RNGTT: variants seen among roughly 807,000 people sequenced by gnomAD.
RNGTT encodes RNA guanylyltransferase and 5'-phosphatase.
In RNGTT, 33 loss-of-function variants were observed where a neutral mutation model predicts 79.3. The ratio of observed to expected loss-of-function variants is 0.42; its 90% CI spans 0.32 to 0.56. The LOEUF is 0.56. RNGTT is among the 20% of genes least tolerant of loss of function. The probability of loss-of-function intolerance (pLI) is 0.17; values close to 1 mark genes in which losing one functional copy is unlikely to be tolerated. For missense variants in RNGTT, 497 were observed against 739.1 expected, an observed-to-expected ratio of 0.67 and a Z score of 3.80; for synonymous variants, 222 against 235.9, an observed-to-expected ratio of 0.94 and a Z score of 0.54.
chr6:88,718,258 A>G (rs1259699484), intron 13 of RNGTT, among the ~76,000 whole-genome samples: 2 of 152,022 alleles, frequency 1.3e-5, no homozygotes, highest in Non-Finnish European at 1.5e-5. Flanking sequence ...GTAGTGGCAC[A>G]TGCCTGTAAT....
chr6:88,726,629 C>CACAATGGGTATTCAGTAAGTG (rs1359833801), intron 13 of RNGTT, among the ~76,000 whole-genome samples: 1 of 152,090 alleles, frequency 6.6e-6, no homozygotes, highest in Non-Finnish European at 1.5e-5. Flanking sequence ...AGGAAAAAGA[C>CACAATGGGTATTCAGTAAGTG]ACAATGGGTA....
chr6:88,922,046 AT>A (rs113358695), intron 4 of RNGTT, among the ~76,000 whole-genome samples: 5,194 of 148,080 alleles, frequency 0.035, 313 homozygotes, highest in African/African-American at 0.12. Context: ...AACCACATTA[AT>A]TTTTTTTTTG....
intron 13 of RNGTT, among the ~76,000 whole-genome samples, chr6:88,703,139 T>C (rs1372354633): frequency 6.6e-6 from 1 of 152,240 alleles, no homozygotes; most frequent in East Asian, 1.9e-4. Flanking sequence ...GGAAGCAGTT[T>C]GGCAATTTCT....
chr6:88,836,903 A>C (rs1005810521), intron 11 of RNGTT, among the ~76,000 whole-genome samples: 40 of 152,036 alleles, frequency 2.6e-4, no homozygotes, highest in East Asian at 1.7e-3. Flanking sequence ...AATACCCCCC[A>C]AAAAAAAGAA....
At chr6:88,756,184 G>T (rs1171178915) in intron 13 of RNGTT, among the ~76,000 whole-genome samples, 1 of 151,688 alleles carries the variant, frequency 6.6e-6, no homozygotes, top group Non-Finnish European at 1.5e-5. Context: ...AGTTAAAGAG[G>T]TAAAATTAGG....
At chr6:88,739,732 TATATATATATATATA>T (rs1777411425) in intron 13 of RNGTT, among the ~76,000 whole-genome samples, 1 of 15,114 alleles carries the variant, frequency 6.6e-5, no homozygotes, top group Non-Finnish European at 1.6e-4. Context: ...AAATTATATA[TATATATATATATATA>T]TATATATATA....
chr6:88,648,474 A>G (rs963322324), intron 14 of RNGTT, among the ~76,000 whole-genome samples: 1 of 145,132 alleles, frequency 6.9e-6, no homozygotes, highest in Middle Eastern at 3.4e-3. Flanking sequence ...AAAGTATTAT[A>G]ATAATAATAA....
At position 88,910,990 on chromosome 6, in the gene RNGTT, T is replaced by G. The variant is rs560314071; in HGVS notation, c.368-4550A>C. On this transcript the variant is annotated intron_variant, in intron 4 of 15. Transcript: ENST00000369485. ...TTACAAGAGATGCTTATGGGAGTTC[T>G]AAACATGGAAACAAAAACAGTATCT... Among the ~76,000 whole-genome samples the G allele has an allele frequency of 6.6e-5, 10 of 152,292 alleles. 1 individual carries two copies. The highest frequency in any genetic ancestry group is 2.6e-4 in the Admixed American group (4 of 15,288).
chr6:88,675,180 T>C (rs771460995), intron 14 of RNGTT, among the ~76,000 whole-genome samples: 1 of 152,180 alleles, frequency 6.6e-6, no homozygotes, highest in Non-Finnish European at 1.5e-5. Flanking sequence ...GTCTCAACTC[T>C]TTCCTTTTTA....
chr6:88,692,120 A>G (rs1775504349), intron 13 of RNGTT, among the ~76,000 whole-genome samples: 2 of 152,208 alleles, frequency 1.3e-5, no homozygotes, highest in South Asian at 2.1e-4. Flanking sequence ...TGGTTTTCAG[A>G]AACTGAACAA....
intron 2 of RNGTT, among the ~76,000 whole-genome samples, chr6:88,934,219 A>G (rs889162184): frequency 6.6e-6 from 1 of 152,070 alleles, no homozygotes; most frequent in African/African-American, 2.4e-5. Flanking sequence ...TTTTTTAAAG[A>G]TGGTGTCTCG....
chr6:88,891,871 T>C lies in RNGTT; in HGVS notation c.729A>G (p.Gln243=), dbSNP rs770794177. ...LEGVTVKGVT[Q]VTTQPKLGEV... is the part of the protein sequence containing the mutation. Reference sequence around the variant, plus strand: ...CTCCTAACTTTGGTTGTGTTGTTACTTGAGTTACACCTTTAACAGTAACAC... The same window carrying C: ...CTCCTAACTTTGGTTGTGTTGTTACCTGAGTTACACCTTTAACAGTAACAC... The change falls in exon 7 of 16, where the codon CAA becomes CAG. Residue 243 remains glutamine, a synonymous_variant. Transcript: ENST00000369485. The C allele has an allele frequency of 2.6e-5, 42 of 1,604,502 alleles. No individual in the cohort carries two copies. Among genetic ancestry groups the C allele is most frequent in the Non-Finnish European group, 3.6e-5 (42 of 1,175,450 alleles).
At chr6:88,771,333 A>ATATG in intron 12 of RNGTT, among the ~76,000 whole-genome samples, 1 of 127,868 alleles carries the variant, frequency 7.8e-6, no homozygotes, top group East Asian at 2.2e-4. Context: ...ATATATATAT[A>ATATG]TATATATATA....
At chr6:88,769,736 T>G (rs1582438563) in intron 13 of RNGTT, 38 bp downstream of exon 13, 1 of 1,252,906 alleles carries the variant, frequency 8.0e-7, no homozygotes, top group East Asian at 2.3e-5. Context: ...ACACAAACAG[T>G]ATTATTTCAT....
chr6:88,769,149 C>A (rs1246021662), intron 13 of RNGTT, among the ~76,000 whole-genome samples: 6 of 151,884 alleles, frequency 4.0e-5, no homozygotes, highest in East Asian at 1.9e-4. Flanking sequence ...TAACAAAGTT[C>A]TTTTCTTTGG....
chr6:88,677,974 AT>A (rs1774938921), intron 14 of RNGTT: 1 of 144,102 alleles, frequency 6.9e-6, no homozygotes, highest in Admixed American at 7.3e-5. Flanking sequence ...ATCACCTCAC[AT>A]TCACTTTTTT....
intron 11 of RNGTT, among the ~76,000 whole-genome samples, chr6:88,813,891 T>G (rs779897413): frequency 3.9e-5 from 6 of 152,198 alleles, no homozygotes; most frequent in Non-Finnish European, 7.3e-5. Context: ...GAATCACATC[T>G]TACATTCATT....
In RNGTT at chr6:88,791,764, C is replaced by T. The variant is rs558208206; in HGVS notation, c.1338+9800G>A. On this transcript the variant is annotated intron_variant, in intron 12 of 15. Coordinates refer to ENST00000369485, the MANE Select transcript of RNGTT (RefSeq NM_003800.5). ...CCACGTTAGCCAGGATGGTCTCGATCTCCTGACCTCGTGATCCGCCCGCCT... is the reference window on the plus strand; with the variant it reads ...CCACGTTAGCCAGGATGGTCTCGATTTCCTGACCTCGTGATCCGCCCGCCT... 9.2e-5 allele frequency among the ~76,000 whole-genome samples: 14 copies of T among 152,306 alleles called. No homozygotes were observed. The East Asian group carries it at 2.5e-3, about 27-fold the overall frequency.
intron 13 of RNGTT, among the ~76,000 whole-genome samples, chr6:88,700,454 G>A (rs771129259): frequency 2.6e-5 from 4 of 151,868 alleles, no homozygotes; most frequent in Non-Finnish European, 5.9e-5. Context: ...ATTAGATACC[G>A]TCCCACCTGC....
Sources: allele counts gnomAD v4.1 joint callset (sites outside exome capture counted in the v4.1 genomes callset), GRCh38; gene constraint gnomAD v4.1.1; transcripts MANE v1.5; gene names NCBI Gene and HGNC (gene_info 2026-07-23, HGNC 2026-07-21).